Variants in DRC11 observed in about 807,000 individuals in gnomAD.
DRC11 encodes IQ and AAA domain-containing protein 1.
the DRC11 span, among the ~76,000 whole-genome samples, chr2:236,355,749 C>CTCTCTCTCTGTG: frequency 9.3e-5 from 10 of 107,966 alleles, no homozygotes; most frequent in African/African-American, 3.0e-4. Context: ...CTCTCTCTCT[C>CTCTCTCTCTGTG]TGTGTGTGTG....
At chr2:236,346,762 C>G in the DRC11 span, 32 of 168,412 alleles carry the variant, frequency 1.9e-4, no homozygotes, top group Non-Finnish European at 2.6e-4. Context: ...TGGTCACAGC[C>G]AGCACTAGCG....
At chr2:236,418,647 G>A in the DRC11 span, among the ~76,000 whole-genome samples, 1 of 152,168 alleles carries the variant, frequency 6.6e-6, no homozygotes, top group Non-Finnish European at 1.5e-5. Context: ...ACGGAAGGAC[G>A]GGCCCAATGT....
the DRC11 span, among the ~76,000 whole-genome samples, chr2:236,423,652 A>C: frequency 6.6e-6 from 1 of 152,198 alleles, no homozygotes; most frequent in Non-Finnish European, 1.5e-5. Context: ...GCGATGCCTC[A>C]GGGATCTAGA....
At chr2:236,492,585 C>T in the DRC11 span, among the ~76,000 whole-genome samples, 1 of 152,240 alleles carries the variant, frequency 6.6e-6, no homozygotes, top group East Asian at 1.9e-4. Context: ...CATAGTGCCC[C>T]TTTCACCCTG....
chr2:236,409,657 T>A, the DRC11 span, among the ~76,000 whole-genome samples: 1 of 151,854 alleles, frequency 6.6e-6, no homozygotes, highest in African/African-American at 2.4e-5. Context: ...TGAATAGGAG[T>A]GGTGAGAGAG....
chr2:236,335,912 T>C, the DRC11 span, among the ~76,000 whole-genome samples: 1 of 144,880 alleles, frequency 6.9e-6, no homozygotes, highest in Admixed American at 7.0e-5. This position sits in a 1 kb window ranked among gnomAD's most constrained non-coding sequence, Gnocchi z 5.6. Flanking sequence ...TGGACAGCGC[T>C]GCCCCCTTCA....
At chr2:236,358,904 G>A in the DRC11 span, among the ~76,000 whole-genome samples, 2 of 150,338 alleles carry the variant, frequency 1.3e-5, no homozygotes, top group Non-Finnish European at 3.0e-5. Context: ...GTGGGAGGAT[G>A]TGCCCTCCAC....
chr2:236,489,740 C>T, the DRC11 span, among the ~76,000 whole-genome samples: 28 of 152,138 alleles, frequency 1.8e-4, no homozygotes, highest in Admixed American at 7.8e-4. Flanking sequence ...CTGGGCAAAG[C>T]GGTGAGACCC....
the DRC11 span, chr2:236,407,704 T>C: frequency 3.8e-6 from 1 of 265,122 alleles, no homozygotes; most frequent in Non-Finnish European, 7.4e-6. Context: ...GCTGCATCAT[T>C]TCCCCCCTGT....
chr2:236,377,200 G>C, the DRC11 span: 1 of 1,555,450 alleles, frequency 6.4e-7, no homozygotes, highest in East Asian at 2.2e-5. The surrounding 1 kb of genome is among the most constrained non-coding windows in gnomAD (Gnocchi z 4.9). Context: ...GGAGAAAGCA[G>C]AGTGTCTGTT....
the DRC11 span, among the ~76,000 whole-genome samples, chr2:236,429,637 C>G: frequency 6.6e-6 from 1 of 152,000 alleles, no homozygotes; most frequent in African/African-American, 2.4e-5. The surrounding 1 kb of genome is among the most constrained non-coding windows in gnomAD (Gnocchi z 5.9). Flanking sequence ...GTCCCTGGCC[C>G]AGAGAACCTG....
the DRC11 span, among the ~76,000 whole-genome samples, chr2:236,499,412 C>T: frequency 6.6e-6 from 1 of 152,088 alleles, no homozygotes; most frequent in Non-Finnish European, 1.5e-5. The surrounding 1 kb of genome is among the most constrained non-coding windows in gnomAD (Gnocchi z 4.7). Flanking sequence ...CTCATCCATG[C>T]CTGCTCTCCC....
At chr2:236,486,291 G>A in the DRC11 span, among the ~76,000 whole-genome samples, 1 of 152,324 alleles carries the variant, frequency 6.6e-6, no homozygotes, top group East Asian at 1.9e-4. The surrounding 1 kb of genome is among the most constrained non-coding windows in gnomAD (Gnocchi z 5.7). Flanking sequence ...CACCTTGACT[G>A]CAGCCTTGTG....
the DRC11 span, among the ~76,000 whole-genome samples, chr2:236,333,744 T>G: frequency 3.3e-5 from 5 of 152,182 alleles, no homozygotes; most frequent in Non-Finnish European, 5.9e-5. This position sits in a 1 kb window ranked among gnomAD's most constrained non-coding sequence, Gnocchi z 6.0. Context: ...AGTCACAATC[T>G]TGGAAGTTTT....
the DRC11 span, among the ~76,000 whole-genome samples, chr2:236,341,253 C>T: frequency 1.4e-4 from 22 of 152,344 alleles, no homozygotes; most frequent in Non-Finnish European, 3.2e-4. Context: ...GGTAATGGGG[C>T]AGAAAATGCA....
At chr2:236,321,268 C>A in the DRC11 span, among the ~76,000 whole-genome samples, 2 of 152,058 alleles carry the variant, frequency 1.3e-5, no homozygotes, top group African/African-American at 4.8e-5. Context: ...TCAGAGTGGA[C>A]TGATTAAATA....
chr2:236,334,691 G>A, the DRC11 span, among the ~76,000 whole-genome samples: 2 of 152,098 alleles, frequency 1.3e-5, no homozygotes, highest in South Asian at 4.2e-4. This position sits in a 1 kb window ranked among gnomAD's most constrained non-coding sequence, Gnocchi z 7.8. Context: ...CGCAGTCTCT[G>A]AACATTCATT....
At chr2:236,490,615 G>A in the DRC11 span, among the ~76,000 whole-genome samples, 1 of 152,016 alleles carries the variant, frequency 6.6e-6, no homozygotes, top group Non-Finnish European at 1.5e-5. The surrounding 1 kb of genome is among the most constrained non-coding windows in gnomAD (Gnocchi z 5.5). Context: ...TTAGATTCCG[G>A]GCTGTCATTC....
At chr2:236,318,550 T>C in the DRC11 span, among the ~76,000 whole-genome samples, 1 of 147,166 alleles carries the variant, frequency 6.8e-6, no homozygotes, top group African/African-American at 2.7e-5. This position sits in a 1 kb window ranked among gnomAD's most constrained non-coding sequence, Gnocchi z 7.0. Flanking sequence ...TATATGAGTG[T>C]GTGTAGGGAG....
Sources: gnomAD v4.1 joint callset for allele counts (sites outside exome capture counted in the v4.1 genomes callset) on GRCh38, gnomAD v4.1.1 for gene constraint, Gnocchi (gnomAD v3.1) non-coding constraint, MANE v1.5 for transcripts, NCBI Gene and HGNC (gene_info 2026-07-23, HGNC 2026-07-21) for gene names.